Variants in SGIP1 observed in about 807,000 individuals in gnomAD.
SGIP1 encodes SH3-containing GRB2-like protein 3-interacting protein 1.
SGIP1 carries 38 observed loss-of-function variants against 107.5 expected under a neutral mutation model. The ratio of observed to expected loss-of-function variants is 0.35; its 90% CI spans 0.27 to 0.46. The LOEUF is 0.46. SGIP1 is among the 20% of genes least tolerant of loss of function. The pLI, the probability that SGIP1 is intolerant of heterozygous loss-of-function variation, is 1.00. For missense variants in SGIP1, 929 were observed against 1,019.5 expected, an observed-to-expected ratio of 0.91 and a Z score of 1.21; for synonymous variants, 365 against 366.1, an observed-to-expected ratio of 1.00 and a Z score of 0.03.
At chr1:66,644,381 C>T (rs984663754) in intron 7 of SGIP1, among the ~76,000 whole-genome samples, 1 of 151,760 alleles carries the variant, frequency 6.6e-6, no homozygotes, top group African/African-American at 2.4e-5. Context: ...GCACAATTTG[C>T]ACTTTCATTC....
Position 66,693,256 on chromosome 1 carries a change from T to TAAATAAATAAATA in SGIP1, c.1571-2176_1571-2175insATAAATAAATAAA, listed in dbSNP as rs536649582. ...AGATTCTCATCTCAGTTTTTAAAAA[T>TAAATAAATAAATA]AATAAATAAATAAATAAATAAATAA... On this transcript the variant is annotated intron_variant, in intron 17 of 24. Coordinates refer to ENST00000371037, the MANE Select transcript of SGIP1 (RefSeq NM_032291.4). Among the ~76,000 whole-genome samples, 8 of 142,622 alleles carry TAAATAAATAAATA rather than the reference T, an allele frequency of 5.6e-5. No individual in the cohort carries two copies. In the Admixed American group the frequency reaches 5.6e-4, roughly 10 times the overall value. 93.6% of individuals were successfully genotyped at this position (142,622 alleles called of 152,430 possible).
In SGIP1 at chr1:66,728,399, CT is replaced by C. The variant is rs530452124; in HGVS notation, c.1743-861del. 1.1e-4 allele frequency among the ~76,000 whole-genome samples: 17 copies of C among 152,306 alleles called. No homozygotes were observed. The South Asian group carries it at 3.3e-3, about 30-fold the overall frequency. ...CTTCTACAGAAAGAGAAAAGCTGTACTTTTCTTCTTACATTTCAAAACACAT... is the reference window on the plus strand; with the variant it reads ...CTTCTACAGAAAGAGAAAAGCTGTACTTTCTTCTTACATTTCAAAACACAT... On this transcript the variant is annotated intron_variant, in intron 19 of 24. Transcript: ENST00000371037.
intron 1 of SGIP1, among the ~76,000 whole-genome samples, chr1:66,570,126 C>T (rs1225143451): frequency 6.6e-6 from 1 of 151,550 alleles, no homozygotes; most frequent in Non-Finnish European, 1.5e-5. Context: ...TCTTAGCTAG[C>T]CTGGCTAGAG....
chr1:66,629,303 G>C (rs1478583651), intron 2 of SGIP1, among the ~76,000 whole-genome samples: 1 of 152,206 alleles, frequency 6.6e-6, no homozygotes, highest in African/African-American at 2.4e-5. Context: ...TAGAGGAAGG[G>C]AGAGAGGTTG....
At chr1:66,681,536 G>A (rs972350627) in intron 14 of SGIP1, among the ~76,000 whole-genome samples, 1 of 152,140 alleles carries the variant, frequency 6.6e-6, no homozygotes, top group Non-Finnish European at 1.5e-5. Flanking sequence ...ATCTAATACT[G>A]CCTTCTCAAA....
chr1:66,580,032 A>T (rs908335138), intron 1 of SGIP1, among the ~76,000 whole-genome samples: 1 of 152,056 alleles, frequency 6.6e-6, no homozygotes, highest in African/African-American at 2.4e-5. Context: ...CAATATACAC[A>T]CATATGTTTA....
chr1:66,555,030 T>C (rs2057986413), intron 1 of SGIP1, among the ~76,000 whole-genome samples: 1 of 152,152 alleles, frequency 6.6e-6, no homozygotes, highest in Admixed American at 6.5e-5. Flanking sequence ...CTTTATCTCA[T>C]AAGTTCAGTC....
At position 66,719,400 on chromosome 1, in the gene SGIP1, A is replaced by C. The variant is rs117189863; in HGVS notation, c.1737A>C (p.Pro579=). ...TVNAYFKGAD[P]SKCIVKITGE... is the part of the protein sequence containing the mutation. The stretch of plus-strand genomic sequence containing the variant: ...ATGCCTATTTCAAAGGAGCAGACCC[A>C]AGCAAGTAAGCCTGATACTTGGTCC... Residue 579 remains proline, a synonymous_variant, in exon 19 of 25, where the codon CCA becomes CCC. Coordinates refer to ENST00000371037, the MANE Select transcript of SGIP1 (RefSeq NM_032291.4). 3.1e-3 allele frequency: 4,931 copies of C among 1,611,592 alleles called. 145 individuals are homozygous for C. In the East Asian group the frequency reaches 0.074, roughly 24 times the overall value.
At chr1:66,710,629 A>G (rs1256026824) in intron 18 of SGIP1, among the ~76,000 whole-genome samples, 4 of 152,142 alleles carry the variant, frequency 2.6e-5, no homozygotes, top group African/African-American at 2.4e-5. Flanking sequence ...GCAGAACCCA[A>G]TAAATTTTCC....
At chr1:66,594,371 G>A (rs2064215709) in intron 1 of SGIP1, among the ~76,000 whole-genome samples, 1 of 152,102 alleles carries the variant, frequency 6.6e-6, no homozygotes, top group Non-Finnish European at 1.5e-5. Context: ...TTCTTACCCT[G>A]TAAATATAAC....
At chr1:66,717,959 A>C (rs544428524) in intron 18 of SGIP1, among the ~76,000 whole-genome samples, 1 of 152,314 alleles carries the variant, frequency 6.6e-6, no homozygotes, top group South Asian at 2.1e-4. Flanking sequence ...TTGAATCCCC[A>C]GCACCTACCA....
intron 1 of SGIP1, among the ~76,000 whole-genome samples, chr1:66,597,858 G>C (rs2065021471): frequency 6.6e-6 from 1 of 152,116 alleles, no homozygotes; most frequent in African/African-American, 2.4e-5. Flanking sequence ...CATGCTTGCT[G>C]AATGTTTTTA....
chr1:66,558,053 T>A (rs2058437478), intron 1 of SGIP1, among the ~76,000 whole-genome samples: 1 of 152,068 alleles, frequency 6.6e-6, no homozygotes, highest in Non-Finnish European at 1.5e-5. Context: ...GCCTTCGATG[T>A]GGTAAGCGTG....
At position 66,745,104 on chromosome 1, in the gene SGIP1, T is replaced by C. The variant is rs1376633900; in HGVS notation, c.*2009T>C. 1.3e-5 allele frequency: 2 copies of C among 152,276 alleles called. No homozygotes were observed. The highest frequency in any genetic ancestry group is 2.9e-5 in the Non-Finnish European group (2 of 67,894). 9.4% of individuals were successfully genotyped at this position (152,276 alleles called of 1,614,324 possible). ...AATATTACTGGTTCTCATGTCTTTG[T>C]ATTTATATTTTATTTTGTTTTATTT... On this transcript the variant is annotated 3_prime_UTR_variant, in exon 25 of 25. Coordinates refer to ENST00000371037, the MANE Select transcript of SGIP1 (RefSeq NM_032291.4).
chr1:66,696,055 A>G (rs1478673039), intron 18 of SGIP1, among the ~76,000 whole-genome samples: 2 of 152,248 alleles, frequency 1.3e-5, no homozygotes, highest in African/African-American at 2.4e-5. Context: ...TGAAATTGCA[A>G]TTGAGATGAC....
At chr1:66,553,561 A>G (rs1258381102) in intron 1 of SGIP1, among the ~76,000 whole-genome samples, 4 of 151,834 alleles carry the variant, frequency 2.6e-5, no homozygotes, top group Non-Finnish European at 5.9e-5. Context: ...CTGTAATTCC[A>G]GCTACTCGGG....
At chr1:66,623,794 AC>A (rs2071861323) in intron 1 of SGIP1, among the ~76,000 whole-genome samples, 1 of 152,174 alleles carries the variant, frequency 6.6e-6, no homozygotes, top group Non-Finnish European at 1.5e-5. Flanking sequence ...AGGTAATGTA[AC>A]TTGTATTAAG....
chr1:66,676,927 T>G, intron 12 of SGIP1, 77 bp from the exon 13 acceptor site: 1 of 1,222,886 alleles, frequency 8.2e-7, no homozygotes, highest in Non-Finnish European at 1.2e-6. Context: ...AAGCTCAACT[T>G]GAAATCGAAA....
intron 18 of SGIP1, among the ~76,000 whole-genome samples, chr1:66,701,723 T>C (rs1377901427): frequency 2.6e-5 from 4 of 152,220 alleles, no homozygotes; most frequent in East Asian, 1.9e-4. Flanking sequence ...ATGATGATCA[T>C]ACTTGGTTTC....
Sources: gnomAD v4.1 joint callset for allele counts (sites outside exome capture counted in the v4.1 genomes callset) on GRCh38, gnomAD v4.1.1 for gene constraint, MANE v1.5 for transcripts, NCBI Gene and HGNC (gene_info 2026-07-23, HGNC 2026-07-21) for gene names.